Variants in COL13A1 observed in about 807,000 individuals in gnomAD.
The protein encoded by COL13A1 is collagen type XIII alpha 1 chain.
Under a neutral mutation model 130.9 loss-of-function variants are expected in COL13A1, and 89 were observed. That is an observed-to-expected ratio of 0.68 (90% CI 0.57 to 0.81). The LOEUF is 0.81. COL13A1 is among the 30% of genes least tolerant of loss of function. COL13A1 has a pLI of 0.00. For missense variants in COL13A1, 879 were observed against 934.6 expected (o/e 0.94, Z 0.78); for synonymous variants, 402 against 341.6 (o/e 1.18, Z -1.95).
At chr10:69,856,376 A>G (rs73267772) in intron 2 of COL13A1, among the ~76,000 whole-genome samples, 1,777 of 152,252 alleles carry the variant, frequency 0.012, 31 homozygotes, top group African/African-American at 0.04. Context: ...CACCTGGCCT[A>G]CTTCATTTAT....
At chr10:69,912,757 G>T (rs140764184) in intron 17 of COL13A1, among the ~76,000 whole-genome samples, 1 of 152,192 alleles carries the variant, frequency 6.6e-6, no homozygotes, top group Non-Finnish European at 1.5e-5. Flanking sequence ...GGAGCTGACC[G>T]TAAAGCCCCC....
At chr10:69,874,237 T>C (rs543460496) in intron 4 of COL13A1, among the ~76,000 whole-genome samples, 24 of 152,332 alleles carry the variant, frequency 1.6e-4, no homozygotes, top group African/African-American at 5.5e-4. Flanking sequence ...CCTCAAGGCA[T>C]TGTGCCTCAG....
chr10:69,941,296 G>T (rs149249128), intron 35 of COL13A1, among the ~76,000 whole-genome samples: 1 of 152,116 alleles, frequency 6.6e-6, no homozygotes, highest in Non-Finnish European at 1.5e-5. Flanking sequence ...CAGCAGCACC[G>T]CTCCTGATTC....
intron 39 of COL13A1, chr10:69,956,788 G>C: frequency 1.8e-6 from 1 of 558,070 alleles, no homozygotes; most frequent in Non-Finnish European, 3.3e-6. Context: ...TTGCACTATA[G>C]CTGCATGTGA....
chr10:69,913,585 T>C (rs1030718186), intron 17 of COL13A1, among the ~76,000 whole-genome samples: 9 of 152,060 alleles, frequency 5.9e-5, no homozygotes, highest in Non-Finnish European at 1.2e-4. Flanking sequence ...CCTCGGGCAA[T>C]AACCACGCCC....
At position 69,921,787 on chromosome 10, in the gene COL13A1, A is replaced by C; in HGVS notation, c.1090-95A>C. 2.7e-6 allele frequency: 4 copies of C among 1,495,844 alleles called. No homozygotes were observed. The South Asian group carries it at 4.8e-5, about 18-fold the overall frequency. 92.7% of individuals were successfully genotyped at this position (1,495,844 alleles called of 1,614,324 possible). ...GGGCAGGGGCACCGAGGCAGGAGCAAGGGAAGGCAAGGCCCTAAGCTGTGG... is the reference window on the plus strand; with the variant it reads ...GGGCAGGGGCACCGAGGCAGGAGCACGGGAAGGCAAGGCCCTAAGCTGTGG... On this transcript the variant is annotated intron_variant, in intron 21 of 40. Transcript: ENST00000645393.
chr10:69,897,196 G>A (rs2061730704), intron 13 of COL13A1, among the ~76,000 whole-genome samples: 1 of 152,220 alleles, frequency 6.6e-6, no homozygotes, highest in African/African-American at 2.4e-5. Flanking sequence ...ATAGATTTGG[G>A]ATTCCAGCTG....
Position 69,928,876 on chromosome 10 carries a change from G to A in COL13A1, c.1423-61G>A, listed in dbSNP as rs1443641899. 5.3e-6 allele frequency: 7 copies of A among 1,322,106 alleles called. No homozygotes were observed. The African/African-American group carries it at 1.0e-4, about 19-fold the overall frequency. 81.9% of individuals were successfully genotyped at this position (1,322,106 alleles called of 1,614,324 possible). ...AGCCAGCCTCCACATATAGCCCTCA[G>A]GGCACAGGCTACCCTCCTCCATGGG... is the stretch of plus-strand genomic sequence containing the variant. On this transcript the variant is annotated intron_variant, in intron 27 of 40. Coordinates refer to ENST00000645393, the MANE Select transcript of COL13A1 (RefSeq NM_001368882.1).
chr10:69,881,126 G>T (rs2060097433), intron 7 of COL13A1, among the ~76,000 whole-genome samples: 1 of 152,254 alleles, frequency 6.6e-6, no homozygotes, highest in African/African-American at 2.4e-5. Flanking sequence ...CAAAACAGGG[G>T]TGTGGGTGAT....
intron 37 of COL13A1, 62 bp from the exon 38 acceptor site, chr10:69,947,245 G>A (rs2068691387): frequency 6.8e-7 from 1 of 1,474,348 alleles, no homozygotes; most frequent in Non-Finnish European, 9.5e-7. Context: ...CTGGAAGAAA[G>A]CACTGTACAG....
chr10:69,949,999 C>CTT (rs146739672), intron 38 of COL13A1, among the ~76,000 whole-genome samples: 1 of 149,456 alleles, frequency 6.7e-6, no homozygotes, highest in Non-Finnish European at 1.5e-5. Flanking sequence ...TTTGTGTGTG[C>CTT]GTGTGTGTGT....
chr10:69,917,239 C>T (rs765156594), intron 17 of COL13A1, 50 bp from the exon 18 acceptor site: 4 of 1,608,268 alleles, frequency 2.5e-6, no homozygotes, highest in Non-Finnish European at 3.4e-6. Context: ...TGCAGGCTGA[C>T]AGGCCCCGAG....
chr10:69,802,645 C>T lies in COL13A1; in HGVS notation c.222C>T (p.Arg74=), dbSNP rs767154372. The T allele has an allele frequency of 1.2e-6, 2 of 1,613,414 alleles. No individual in the cohort carries two copies. Among genetic ancestry groups the T allele is most frequent in the Non-Finnish European group, 1.7e-6 (2 of 1,179,576 alleles). ...CCGAGCTGCAGGCCCGGGTGCTGCG[C>T]CTGGAAGCGGAGCGCGGGGAGCAGC... ...RTAELQARVL[R]LEAERGEQQM... is the part of the protein sequence containing the mutation. Residue 74 remains arginine (R), a synonymous_variant, in exon 1 of 41, where the codon CGC becomes CGT. Transcript: ENST00000645393.
chr10:69,883,933 G>C lies in COL13A1; in HGVS notation c.513+3380G>C, dbSNP rs538087762. Among the ~76,000 whole-genome samples, 12 of 152,328 alleles carry C rather than the reference G, an allele frequency of 7.9e-5. No homozygotes were observed. The South Asian group carries it at 2.3e-3, about 29-fold the overall frequency. ...GAGCAGAATCGGTGGGGCTGGCCAG[G>C]AGGGCTAGACTTGCAAGCTATTTTA... On this transcript the variant is annotated intron_variant, in intron 7 of 40. Coordinates refer to ENST00000645393, the MANE Select transcript of COL13A1 (RefSeq NM_001368882.1).
intron 21 of COL13A1, among the ~76,000 whole-genome samples, chr10:69,920,174 C>T (rs2064451794): frequency 6.6e-6 from 1 of 152,202 alleles, no homozygotes; most frequent in Non-Finnish European, 1.5e-5. Context: ...CAGCTGCTAC[C>T]CTGGGGCAGG....
At chr10:69,814,457 C>G (rs1241844262) in intron 1 of COL13A1, among the ~76,000 whole-genome samples, 1 of 152,182 alleles carries the variant, frequency 6.6e-6, no homozygotes, top group Non-Finnish European at 1.5e-5. Flanking sequence ...GGCACTGGCT[C>G]AAGAGAGAAG....
chr10:69,802,864 G>C lies in COL13A1; in HGVS notation c.294+147G>C, dbSNP rs1302650864. On this transcript the variant is annotated intron_variant, in intron 1 of 40. Coordinates refer to ENST00000645393, the MANE Select transcript of COL13A1 (RefSeq NM_001368882.1). The stretch of plus-strand genomic sequence containing the variant: ...GCCTGCGGGAGGGGTCGGGGACACG[G>C]ACAGACGCTGCCCTACCAGGGATTC... 2.9e-5 allele frequency: 30 copies of C among 1,030,810 alleles called. No individual in the cohort carries two copies. The Admixed American group carries it at 5.5e-4, about 19-fold the overall frequency. 63.9% of individuals were successfully genotyped at this position (1,030,810 alleles called of 1,614,324 possible).
chr10:69,838,749 A>G (rs1381940156), intron 2 of COL13A1, among the ~76,000 whole-genome samples: 6 of 152,248 alleles, frequency 3.9e-5, no homozygotes, highest in Admixed American at 3.9e-4. Context: ...CCAGGCATGC[A>G]GGTATATACA....
chr10:69,863,973 T>C (rs1198575560), intron 2 of COL13A1, among the ~76,000 whole-genome samples: 2 of 151,694 alleles, frequency 1.3e-5, no homozygotes. Context: ...GAGGCTGAGG[T>C]GGGAAGATTG....
Sources: gnomAD v4.1 joint callset for allele counts (sites outside exome capture counted in the v4.1 genomes callset) on GRCh38, gnomAD v4.1.1 for gene constraint, MANE v1.5 for transcripts, NCBI Gene and HGNC (gene_info 2026-07-23, HGNC 2026-07-21) for gene names.